CDC14B: variants seen among roughly 807,000 people sequenced by gnomAD.
CDC14B encodes the protein dual specificity protein phosphatase CDC14B.
In CDC14B, 22 loss-of-function variants were observed where a neutral mutation model predicts 64.2. The ratio of observed to expected loss-of-function variants is 0.34; its 90% confidence interval spans 0.24 to 0.49. CDC14B has a LOEUF of 0.49. Among genes scored for constraint, CDC14B ranks in the 20% least tolerant of loss-of-function variants. CDC14B has a pLI of 0.99. For synonymous variants in CDC14B, 191 were observed against 215.8 expected (o/e 0.89, Z 1.01); for missense variants, 498 against 629.9 (o/e 0.79, Z 2.24).
chr9:96,525,360 AC>A (rs1196303208), intron 9 of CDC14B, among the ~76,000 whole-genome samples: 2 of 152,078 alleles, frequency 1.3e-5, no homozygotes, highest in Non-Finnish European at 2.9e-5. Context: ...CTGGATGCAA[AC>A]ATTCTTTGTC....
chr9:96,564,369 G>C (rs1843630360), intron 3 of CDC14B, among the ~76,000 whole-genome samples: 1 of 152,164 alleles, frequency 6.6e-6, no homozygotes, highest in Non-Finnish European at 1.5e-5. Flanking sequence ...GAGAAAGTAA[G>C]ATGAGTCCAG....
At chr9:96,551,110 G>GTTTTTTTTTTTTTTTTTTTTT (rs1841741325) in intron 5 of CDC14B, among the ~76,000 whole-genome samples, 2 of 65,970 alleles carry the variant, frequency 3.0e-5, no homozygotes, top group Admixed American at 1.7e-4. Flanking sequence ...TTTGGGGTTT[G>GTTTTTTTTTTTTTTTTTTTTT]CTTTTTTTTT....
At chr9:96,574,727 T>C (rs1588016216) in intron 1 of CDC14B, among the ~76,000 whole-genome samples, 1 of 126,846 alleles carries the variant, frequency 7.9e-6, no homozygotes, top group South Asian at 2.1e-4. Flanking sequence ...AAAGATTTAA[T>C]GTTTCTGTTT....
chr9:96,592,000 C>A (rs1222198770), intron 1 of CDC14B, among the ~76,000 whole-genome samples: 1 of 152,208 alleles, frequency 6.6e-6, no homozygotes, highest in African/African-American at 2.4e-5. Context: ...CCGCCTCGGC[C>A]TCCCAAAGTG....
chr9:96,518,858 C>T (rs1484459395), intron 12 of CDC14B, among the ~76,000 whole-genome samples: 14 of 152,068 alleles, frequency 9.2e-5, no homozygotes, highest in Admixed American at 8.5e-4. Flanking sequence ...ATTTTCCGGC[C>T]GGGTGCAGTG....
In CDC14B at chr9:96,564,761, A is replaced by G. The variant is rs1348822550; in HGVS notation, c.327+16T>C. 1 of 1,512,494 alleles carries G rather than the reference A, an allele frequency of 6.6e-7. No homozygotes were observed. Among genetic ancestry groups the G allele is most frequent in the Middle Eastern group, 1.7e-4 (1 of 5,862 alleles). The allele number at this position is 1,512,494 out of a possible 1,614,324, so 93.7% of individuals were successfully genotyped here. ...AGCTAACAATGATTACTTAAGTCAAATCTTAAAGACTTTACCTTTAATTTC... is the reference window on the plus strand; with the variant it reads ...AGCTAACAATGATTACTTAAGTCAAGTCTTAAAGACTTTACCTTTAATTTC... On this transcript the variant is annotated intron_variant, in intron 3 of 13. Coordinates refer to ENST00000375241, the MANE Select transcript of CDC14B (RefSeq NM_033331.4).
chr9:96,491,510 CTGAG>C (rs1027811667), exon 14 of CDC14B: 8 of 152,284 alleles, frequency 5.3e-5, no homozygotes, highest in African/African-American at 1.2e-4. Context: ...GGTTTATCAA[CTGAG>C]TGTTTTCTTC....
intron 5 of CDC14B, among the ~76,000 whole-genome samples, chr9:96,549,616 GA>G (rs1564310476): frequency 6.6e-6 from 1 of 151,396 alleles, no homozygotes; most frequent in Non-Finnish European, 1.5e-5. Flanking sequence ...AGTGAGTCCA[GA>G]TTGCACCACT....
chr9:96,517,373 C>T (rs1365875685), intron 12 of CDC14B, among the ~76,000 whole-genome samples: 2 of 146,464 alleles, frequency 1.4e-5, no homozygotes, highest in African/African-American at 5.1e-5. Flanking sequence ...AAAATAAAGG[C>T]CGGGCGTGGT....
At chr9:96,569,829 T>C (rs1029228316) in intron 1 of CDC14B, among the ~76,000 whole-genome samples, 16 of 152,162 alleles carry the variant, frequency 1.1e-4, no homozygotes, top group Admixed American at 9.2e-4. Flanking sequence ...CCTCAAGTGA[T>C]CCACCGCCTC....
chr9:96,545,089 T>C (rs1208651309), intron 5 of CDC14B, among the ~76,000 whole-genome samples: 1 of 152,096 alleles, frequency 6.6e-6, no homozygotes, highest in Non-Finnish European at 1.5e-5. Flanking sequence ...GGTCCTCTAG[T>C]TGTCTGTGAT....
At chr9:96,548,862 AAACATTGCTACAG>A in intron 5 of CDC14B, among the ~76,000 whole-genome samples, 1 of 152,286 alleles carries the variant, frequency 6.6e-6, no homozygotes, top group South Asian at 2.1e-4. Context: ...TAATTAAATA[AAACATTGCTACAG>A]AACATAAAAG....
intron 1 of CDC14B, among the ~76,000 whole-genome samples, chr9:96,617,532 T>C (rs10978365): frequency 0.039 from 6,010 of 152,282 alleles, 172 homozygotes; most frequent in Non-Finnish European, 0.063. Context: ...GCCAGTCTTA[T>C]ATGCACCAAC....
chr9:96,534,178 G>C, intron 8 of CDC14B, 21 bp from the exon 9 acceptor site: 2 of 1,435,264 alleles, frequency 1.4e-6, no homozygotes, highest in South Asian at 2.5e-5. Context: ...AAATGCACCA[G>C]ATCTTATAAA....
chr9:96,507,254 T>C (rs2131296459), intron 13 of CDC14B, among the ~76,000 whole-genome samples: 1 of 150,982 alleles, frequency 6.6e-6, no homozygotes, highest in South Asian at 2.1e-4. Flanking sequence ...AAGACGAAGT[T>C]TGCAGTGAGC....
intron 4 of CDC14B, among the ~76,000 whole-genome samples, chr9:96,556,463 G>A (rs2132144828): frequency 6.6e-6 from 1 of 151,462 alleles, no homozygotes; most frequent in Non-Finnish European, 1.5e-5. Flanking sequence ...AGAACACAGA[G>A]AATAAAAAAG....
At chr9:96,543,404 G>A (rs565787822) in intron 5 of CDC14B, among the ~76,000 whole-genome samples, 1 of 151,362 alleles carries the variant, frequency 6.6e-6, no homozygotes, top group Non-Finnish European at 1.5e-5. Context: ...GAAGTGTTGA[G>A]ATTACAGGTG....
rs16911355 is a variant in CDC14B, at chr9:96,588,034, C to T, written c.161-22551G>A. On this transcript the variant is annotated intron_variant, in intron 1 of 13. Transcript: ENST00000375241. ...TTTTTTTCTATTCCAGAAAGGAAAA[C>T]CAAAAAAACCCTGAAACCCACATCA... Among the ~76,000 whole-genome samples the T allele has an allele frequency of 4.3e-3, 646 of 151,482 alleles. 5 individuals carry two copies. Among genetic ancestry groups the T allele is most frequent in the African/African-American group, 0.015 (611 of 41,260 alleles).
At chr9:96,526,693 T>C (rs954337520) in intron 9 of CDC14B, among the ~76,000 whole-genome samples, 9 of 152,220 alleles carry the variant, frequency 5.9e-5, no homozygotes, top group Admixed American at 2.0e-4. Flanking sequence ...AGGCTTTTAA[T>C]TGGTCATCAT....
Sources: allele counts gnomAD v4.1 joint callset (sites outside exome capture counted in the v4.1 genomes callset), GRCh38; gene constraint gnomAD v4.1.1; transcripts MANE v1.5; gene names NCBI Gene and HGNC (gene_info 2026-07-23, HGNC 2026-07-21).